Variants in CHCHD3 observed in about 807,000 individuals in gnomAD.
CHCHD3 encodes the protein MICOS complex subunit MIC19.
A neutral mutation model predicts 38.2 loss-of-function variants in CHCHD3; 20 were observed. The ratio of observed to expected loss-of-function variants is 0.52; its 90% CI spans 0.37 to 0.76. The LOEUF is 0.76. Among genes scored for constraint, CHCHD3 ranks in the 30% least tolerant of loss-of-function variants. CHCHD3 has a pLI of 0.00. For synonymous variants in CHCHD3, 82 were observed against 100.0 expected, an observed-to-expected ratio of 0.82 and a Z score of 1.07; for missense variants, 245 against 279.2, an observed-to-expected ratio of 0.88 and a Z score of 0.87.
In CHCHD3 at chr7:133,020,969, C is replaced by T. The variant is rs1442259729; in HGVS notation, c.251+3577G>A. ...GGGGGAGAACGGATAAGAGGGGGGC[C>T]GGCGGGCAGCAGGAGGTGAGGACTG... On this transcript the variant is annotated intron_variant, in intron 3 of 7. Coordinates refer to ENST00000262570, the MANE Select transcript of CHCHD3 (RefSeq NM_017812.4). Among the ~76,000 whole-genome samples the T allele has an allele frequency of 2.6e-5, 4 of 151,322 alleles. No homozygotes were observed. The East Asian group carries it at 5.8e-4, about 22-fold the overall frequency.
chr7:132,813,474 T>C (rs1807124958), intron 6 of CHCHD3: 1 of 152,212 alleles, frequency 6.6e-6, no homozygotes, highest in African/African-American at 2.4e-5. Context: ...GATGCAAATT[T>C]TTCCTCATTT....
At chr7:133,043,041 A>G (rs1813875412) in intron 2 of CHCHD3, among the ~76,000 whole-genome samples, 1 of 151,798 alleles carries the variant, frequency 6.6e-6, no homozygotes, top group East Asian at 1.9e-4. Context: ...TAATTTTTGT[A>G]TTTTTTGTAG....
intron 4 of CHCHD3, among the ~76,000 whole-genome samples, chr7:132,966,994 C>A (rs1811481681): frequency 6.6e-6 from 1 of 152,130 alleles, no homozygotes; most frequent in Admixed American, 6.5e-5. Flanking sequence ...TTATAACCAG[C>A]CCTTTGCACC....
intron 3 of CHCHD3, among the ~76,000 whole-genome samples, chr7:132,980,073 T>G (rs1379526990): frequency 6.6e-6 from 1 of 152,178 alleles, no homozygotes; most frequent in Non-Finnish European, 1.5e-5. Flanking sequence ...CTGCAAAAGG[T>G]AGATGAGCTG....
In CHCHD3 at chr7:133,035,590, T is replaced by C. The variant is rs1235619714; in HGVS notation, c.170-10963A>G. On this transcript the variant is annotated intron_variant, in intron 2 of 7. Coordinates refer to ENST00000262570, the MANE Select transcript of CHCHD3 (RefSeq NM_017812.4). This position sits in a 1 kb window ranked among gnomAD's most constrained non-coding sequence, Gnocchi z 4.7. ...CCCAAGGTGGGGAACACCCAGGTAC[T>C]GGCTGGGGGCACTATATCGGAATCA... The C allele has an allele frequency of 1.2e-6, 2 of 1,613,160 alleles. No individual in the cohort carries two copies. Among genetic ancestry groups the C allele is most frequent in the African/African-American group, 2.7e-5 (2 of 74,926 alleles).
At chr7:133,078,718 T>A (rs933288880) in intron 1 of CHCHD3, among the ~76,000 whole-genome samples, 2 of 152,246 alleles carry the variant, frequency 1.3e-5, no homozygotes, top group Admixed American at 1.3e-4. Context: ...GGAGACCGTC[T>A]GTACTATCTT....
chr7:132,938,939 T>C (rs1562914640), intron 4 of CHCHD3, among the ~76,000 whole-genome samples: 1 of 152,132 alleles, frequency 6.6e-6, no homozygotes, highest in Admixed American at 6.6e-5. Flanking sequence ...CCCTGGTGAG[T>C]GTCATTCTTG....
chr7:132,991,379 TAA>T (rs1258268487), intron 3 of CHCHD3, among the ~76,000 whole-genome samples: 1 of 152,210 alleles, frequency 6.6e-6, no homozygotes, highest in Admixed American at 6.5e-5. Context: ...GCATTTCATA[TAA>T]ATACATAGCT....
rs1810889060 is a variant in CHCHD3, at chr7:132,945,912, A to G, written c.369+29257T>C. ...TATGCTCATGAACATGAGAAATTCT[A>G]TGAAGCATAATCTTCAGAGGGCAGA... On this transcript the variant is annotated intron_variant, in intron 4 of 7. Transcript: ENST00000262570. 2.0e-5 allele frequency among the ~76,000 whole-genome samples: 3 copies of G among 151,924 alleles called. No homozygotes were observed. In the South Asian group the frequency reaches 6.2e-4, roughly 31 times the overall value.
intron 4 of CHCHD3, among the ~76,000 whole-genome samples, chr7:132,967,670 A>AAAT: frequency 1.3e-5 from 2 of 149,682 alleles, no homozygotes; most frequent in Middle Eastern, 7.0e-3. Context: ...AATAAATAAA[A>AAAT]TAAAACAAAA....
At chr7:132,907,153 C>T (rs1310119046) in intron 4 of CHCHD3, among the ~76,000 whole-genome samples, 1 of 152,190 alleles carries the variant, frequency 6.6e-6, no homozygotes. Context: ...CTGTGTTGTA[C>T]AAGACCCTCA....
intron 3 of CHCHD3, among the ~76,000 whole-genome samples, chr7:132,990,397 G>A (rs1812244594): frequency 6.6e-6 from 1 of 152,138 alleles, no homozygotes; most frequent in Non-Finnish European, 1.5e-5. Context: ...GTCAAATGCA[G>A]ACATCTCTGG....
chr7:133,024,448 A>G, intron 3 of CHCHD3, 98 bp downstream of exon 3: 1 of 936,268 alleles, frequency 1.1e-6, no homozygotes, highest in East Asian at 2.4e-5. Context: ...GTTCAGTCAT[A>G]CACAAATAAT....
chr7:132,973,367 T>C lies in CHCHD3; in HGVS notation c.369+1802A>G, dbSNP rs949375730. 6.1e-6 allele frequency: 6 copies of C among 985,396 alleles called. No individual in the cohort carries two copies. In the African/African-American group the frequency reaches 1.0e-4, roughly 17 times the overall value. The allele number at this position is 985,396 out of a possible 1,614,324, so 61.0% of individuals were successfully genotyped here. On this transcript the variant is annotated intron_variant, in intron 4 of 7. Coordinates refer to ENST00000262570, the MANE Select transcript of CHCHD3 (RefSeq NM_017812.4). ...TTGGAGACTTTAATATACATAGAAA[T>C]GACTTTTCAACCCACTGACCTGATA... is the stretch of plus-strand genomic sequence containing the variant.
intron 5 of CHCHD3, among the ~76,000 whole-genome samples, chr7:132,843,826 T>C (rs59950440): frequency 0.23 from 35,066 of 152,118 alleles, 4,172 homozygotes; most frequent in South Asian, 0.26. Context: ...TCAATTTGTC[T>C]GATCATTTAC....
chr7:132,953,314 G>A (rs529567898), intron 4 of CHCHD3, among the ~76,000 whole-genome samples: 4 of 152,188 alleles, frequency 2.6e-5, no homozygotes, highest in Admixed American at 1.3e-4. Context: ...GTCTACCTTC[G>A]GGGAGGCTCT....
At chr7:132,794,004 A>G (rs1196354086) in intron 7 of CHCHD3, among the ~76,000 whole-genome samples, 1 of 152,188 alleles carries the variant, frequency 6.6e-6, no homozygotes, top group Non-Finnish European at 1.5e-5. Flanking sequence ...GAAGGAAAGT[A>G]ACTGCTCATG....
At chr7:132,884,822 C>T (rs1469577422) in intron 5 of CHCHD3, among the ~76,000 whole-genome samples, 1 of 152,166 alleles carries the variant, frequency 6.6e-6, no homozygotes, top group South Asian at 2.1e-4. Flanking sequence ...ATTCTAGACC[C>T]ATGCTGACTT....
chr7:132,952,852 G>T (rs1811064173), intron 4 of CHCHD3, among the ~76,000 whole-genome samples: 1 of 152,210 alleles, frequency 6.6e-6, no homozygotes, highest in African/African-American at 2.4e-5. Flanking sequence ...AACAGGGAAG[G>T]TGGCAGTAAA....
Sources: gnomAD v4.1 joint callset for allele counts (sites outside exome capture counted in the v4.1 genomes callset) on GRCh38, gnomAD v4.1.1 for gene constraint, Gnocchi (gnomAD v3.1) non-coding constraint, MANE v1.5 for transcripts, NCBI Gene and HGNC (gene_info 2026-07-23, HGNC 2026-07-21) for gene names.